Variants in MGST1 observed in about 807,000 individuals in gnomAD.
MGST1 encodes the protein microsomal glutathione S-transferase 1.
Under a neutral mutation model 8.9 loss-of-function variants are expected in MGST1, and 5 were observed. The observed-to-expected ratio is 0.56, with a 90% CI of 0.29 to 1.19. The LOEUF (loss-of-function observed/expected upper bound fraction) is 1.19. MGST1 is among the 50% of genes most tolerant of loss of function. The pLI, the probability that MGST1 is intolerant of heterozygous loss-of-function variation, is 0.08. For missense variants in MGST1, 182 were observed against 187.4 expected, an observed-to-expected ratio of 0.97 and a Z score of 0.17; for synonymous variants, 54 against 67.8, an observed-to-expected ratio of 0.80 and a Z score of 1.00.
At chr12:16,588,250 A>G (rs1480029382) in intron 4 of MGST1, among the ~76,000 whole-genome samples, 4 of 151,998 alleles carry the variant, frequency 2.6e-5, no homozygotes, top group African/African-American at 9.7e-5. Flanking sequence ...ATAAATATAT[A>G]CAAATATACA....
chr12:16,431,081 G>A (rs1204170661), intron 1 of MGST1, among the ~76,000 whole-genome samples: 1 of 152,196 alleles, frequency 6.6e-6, no homozygotes, highest in Non-Finnish European at 1.5e-5. Flanking sequence ...TAAACCTCAT[G>A]AACTAGTTCT....
chr12:16,394,335 A>AT (rs1326085216), intron 1 of MGST1, among the ~76,000 whole-genome samples: 1 of 150,406 alleles, frequency 6.6e-6, no homozygotes, highest in Non-Finnish European at 1.5e-5. Context: ...TTGTTTGCCA[A>AT]TTTTTTCTAT....
intron 1 of MGST1, chr12:16,400,182 C>A: frequency 9.1e-7 from 1 of 1,104,592 alleles, no homozygotes; most frequent in South Asian, 1.2e-5. Context: ...TCCCTAAGTC[C>A]GTGGTTGTCT....
intron 4 of MGST1, among the ~76,000 whole-genome samples, chr12:16,479,663 G>A (rs1256369752): frequency 6.7e-6 from 1 of 150,274 alleles, no homozygotes; most frequent in Non-Finnish European, 1.5e-5. Context: ...CCTCCTGAGG[G>A]GCTGGGACTA....
At position 16,361,074 on chromosome 12, in the gene MGST1, A is replaced by G. The variant is rs1283835680; in HGVS notation, c.222-2721A>G. Among the ~76,000 whole-genome samples the G allele has an allele frequency of 6.6e-6, 1 of 152,014 alleles. No individual in the cohort carries two copies. The highest frequency in any genetic ancestry group is 1.9e-4 in the East Asian group (1 of 5,158). On this transcript the variant is annotated intron_variant, in intron 3 of 3. Transcript: ENST00000396210. This position sits in a 1 kb window ranked among gnomAD's most constrained non-coding sequence, Gnocchi z 4.2. Reference sequence around the variant, plus strand: ...CATTAGTTCCATGGAATATTTCATAAAGGAAGACCTTGAAGAGTATTAGGA... The same window carrying G: ...CATTAGTTCCATGGAATATTTCATAGAGGAAGACCTTGAAGAGTATTAGGA...
chr12:16,434,084 G>A (rs1940963130), intron 1 of MGST1, among the ~76,000 whole-genome samples: 1 of 152,032 alleles, frequency 6.6e-6, no homozygotes, highest in African/African-American at 2.4e-5. Context: ...TTAAGGACCT[G>A]CACTTCATGC....
In MGST1 at chr12:16,432,723, C is replaced by CAG. The variant is rs1268508307; in HGVS notation, n.779-4664_779-4663insGA. ...ACACACACACACACACACACACACA[C>CAG]ACACACACAGAGAGAGAGAATATTG... On this transcript the variant is annotated intron_variant and non_coding_transcript_variant, in intron 1 of 1. Transcript: ENST00000359720. Among the ~76,000 whole-genome samples the CAG allele has an allele frequency of 3.7e-3, 464 of 124,140 alleles. 6 individuals carry two copies. The highest frequency in any genetic ancestry group is 0.016 in the African/African-American group (416 of 26,568). The allele number at this position is 124,140 out of a possible 152,430, so 81.4% of individuals were successfully genotyped here.
At position 16,432,727 on chromosome 12, in the gene MGST1, C is replaced by CAGAGAG. The variant is rs1158164391; in HGVS notation, n.779-4660_779-4659insGAGAGA. On this transcript the variant is annotated intron_variant and non_coding_transcript_variant, in intron 1 of 1. Transcript: ENST00000359720. ...ACACACACACACACACACACACACA[C>CAGAGAG]ACACAGAGAGAGAGAATATTGTCAG... Among the ~76,000 whole-genome samples, 505 of 129,050 alleles carry CAGAGAG rather than the reference C, an allele frequency of 3.9e-3. 1 individual carries two copies. Among genetic ancestry groups the CAGAGAG allele is most frequent in the Non-Finnish European group, 5.1e-3 (310 of 60,298 alleles). 84.7% of individuals were successfully genotyped at this position (129,050 alleles called of 152,430 possible). A position where few individuals can be genotyped will look rare whatever the true frequency, so the allele number is the denominator to read the frequency against.
At chr12:16,431,755 C>T (rs189483383) in intron 1 of MGST1, among the ~76,000 whole-genome samples, 10 of 152,204 alleles carry the variant, frequency 6.6e-5, no homozygotes, top group Admixed American at 6.5e-4. Flanking sequence ...TGAATGCATG[C>T]TGTTGGGAAA....
intron 4 of MGST1, among the ~76,000 whole-genome samples, chr12:16,512,730 C>CA (rs1281606178): frequency 6.6e-6 from 1 of 152,194 alleles, no homozygotes; most frequent in Non-Finnish European, 1.5e-5. Flanking sequence ...TGCGCTTTTT[C>CA]AAAATGCTTG....
intron 1 of MGST1, among the ~76,000 whole-genome samples, chr12:16,428,512 A>G (rs1417468345): frequency 4.0e-5 from 6 of 151,582 alleles, no homozygotes; most frequent in Non-Finnish European, 8.9e-5. Flanking sequence ...TGAGTTTTTA[A>G]TTATTATTCT....
chr12:16,571,289 G>A (rs545092513), intron 4 of MGST1, among the ~76,000 whole-genome samples: 65 of 152,066 alleles, frequency 4.3e-4, no homozygotes, highest in African/African-American at 1.5e-3. Context: ...GTATTTTATT[G>A]TACTGAATTT....
chr12:16,476,832 G>A (rs771196646), intron 4 of MGST1, among the ~76,000 whole-genome samples: 8 of 152,128 alleles, frequency 5.3e-5, no homozygotes, highest in East Asian at 1.9e-4. Context: ...CGAGGTAATC[G>A]ACTGAAATAA....
At chr12:16,554,197 T>A (rs781557139) in intron 4 of MGST1, among the ~76,000 whole-genome samples, 24 of 152,208 alleles carry the variant, frequency 1.6e-4, no homozygotes, top group Non-Finnish European at 3.2e-4. Flanking sequence ...TAGTAAATCA[T>A]CCTTATAAAA....
chr12:16,492,065 A>T (rs1941442885), intron 4 of MGST1, among the ~76,000 whole-genome samples: 1 of 152,210 alleles, frequency 6.6e-6, no homozygotes, highest in Non-Finnish European at 1.5e-5. Flanking sequence ...GTATGTATGA[A>T]AAGTATAAAT....
intron 3 of MGST1, among the ~76,000 whole-genome samples, chr12:16,375,639 C>T (rs749758153): frequency 1.4e-4 from 22 of 151,792 alleles, no homozygotes; most frequent in Non-Finnish European, 2.9e-4. Flanking sequence ...TCACTGAAAA[C>T]TAGGATTTGG....
At chr12:16,374,986 T>C (rs530543960) in intron 3 of MGST1, among the ~76,000 whole-genome samples, 28 of 152,284 alleles carry the variant, frequency 1.8e-4, no homozygotes, top group African/African-American at 6.3e-4. Flanking sequence ...GCTCAAGCGA[T>C]CCTCCCTCTG....
chr12:16,496,424 T>C (rs946422354), intron 4 of MGST1, among the ~76,000 whole-genome samples: 1 of 152,136 alleles, frequency 6.6e-6, no homozygotes, highest in Non-Finnish European at 1.5e-5. Flanking sequence ...TATAACACAA[T>C]GTCATTTAAA....
At chr12:16,469,178 C>CTTTTTTTTT (rs11292991) in intron 4 of MGST1, among the ~76,000 whole-genome samples, 1 of 77,522 alleles carries the variant, frequency 1.3e-5, no homozygotes. Flanking sequence ...TGCTCTATTC[C>CTTTTTTTTT]TTTTTTTTTT....
Sources: gnomAD v4.1 joint callset for allele counts (sites outside exome capture counted in the v4.1 genomes callset) on GRCh38, gnomAD v4.1.1 for gene constraint, Gnocchi (gnomAD v3.1) non-coding constraint, MANE v1.5 for transcripts, NCBI Gene and HGNC (gene_info 2026-07-23, HGNC 2026-07-21) for gene names.